TTC29: variants seen among roughly 807,000 people sequenced by gnomAD.
TTC29 encodes tetratricopeptide repeat protein 29.
In TTC29, 49 loss-of-function variants were observed where a neutral mutation model predicts 58.1. That is an observed-to-expected ratio of 0.84 (90% confidence interval 0.67 to 1.07). The LOEUF (loss-of-function observed/expected upper bound fraction) is 1.07. Ranked by LOEUF, TTC29 falls within the 50% of genes least tolerant of loss-of-function variation. TTC29 has a pLI of 0.00. For synonymous variants in TTC29, 209 were observed against 196.8 expected (o/e 1.06, Z -0.52); for missense variants, 582 against 555.6 (o/e 1.05, Z -0.48).
intron 4 of TTC29, among the ~76,000 whole-genome samples, chr4:146,922,717 A>G (rs1035139044): frequency 2.6e-5 from 4 of 151,756 alleles, no homozygotes; most frequent in Admixed American, 2.6e-4. Flanking sequence ...TCATCAACAG[A>G]GGCAGTCCAA....
chr4:146,825,531 C>A (rs1727730694), intron 9 of TTC29, among the ~76,000 whole-genome samples: 1 of 152,120 alleles, frequency 6.6e-6, no homozygotes, highest in Admixed American at 6.6e-5. Flanking sequence ...ATTATGTGGT[C>A]AATTTTAGAA....
In TTC29 at chr4:146,942,902, C is replaced by T. The variant is rs112330829; in HGVS notation, c.-7+2129G>A. On this transcript the variant is annotated intron_variant, in intron 2 of 12. Transcript: ENST00000325106. ...AAATGAGGAACAGTGCTTGCAATTTCCTTGAATACTAAGAACATCCAGCTA... is the reference window on the plus strand; with the variant it reads ...AAATGAGGAACAGTGCTTGCAATTTTCTTGAATACTAAGAACATCCAGCTA... 3.8e-3 allele frequency: 1,196 copies of T among 317,722 alleles called. 15 individuals carry two copies. Among genetic ancestry groups the T allele is most frequent in the African/African-American group, 0.023 (1,109 of 47,380 alleles). The allele number at this position is 317,722 out of a possible 1,614,324, so 19.7% of individuals were successfully genotyped here. A position where few individuals can be genotyped will look rare whatever the true frequency, so the allele number is the denominator to read the frequency against.
Position 146,867,699 on chromosome 4 carries a change from C to A in TTC29, c.800-116G>T, listed in dbSNP as rs1317202631. 5.1e-5 allele frequency: 25 copies of A among 490,708 alleles called. No homozygotes were observed. In the Admixed American group the frequency reaches 9.4e-4, roughly 18 times the overall value. The allele number at this position is 490,708 out of a possible 1,614,324, so 30.4% of individuals were successfully genotyped here. A position where few individuals can be genotyped will look rare whatever the true frequency, so the allele number is the denominator to read the frequency against. On this transcript the variant is annotated intron_variant, in intron 7 of 12. Transcript: ENST00000325106. Reference sequence around the variant, plus strand: ...TATTTTTAAAAGTATGCAGTTTTATCAATAATCCCCAAAACCTAGCTATAT... The same window carrying A: ...TATTTTTAAAAGTATGCAGTTTTATAAATAATCCCCAAAACCTAGCTATAT...
At chr4:146,721,914 A>G (rs1248141236) in intron 11 of TTC29, among the ~76,000 whole-genome samples, 1 of 152,170 alleles carries the variant, frequency 6.6e-6, no homozygotes, top group Non-Finnish European at 1.5e-5. Context: ...AGAAAACCCT[A>G]AAGACTCTGC....
At chr4:146,821,003 A>T (rs1213723031) in intron 9 of TTC29, among the ~76,000 whole-genome samples, 1 of 152,034 alleles carries the variant, frequency 6.6e-6, no homozygotes, top group Non-Finnish European at 1.5e-5. Context: ...TGGGCAACAG[A>T]GCAAGACTCC....
At position 146,833,827 on chromosome 4, in the gene TTC29, G is replaced by A; in HGVS notation, c.956C>T (p.Ala319Val). 1 of 1,612,934 alleles carries A rather than the reference G, an allele frequency of 6.2e-7. No homozygotes were observed. The change falls in exon 9 of 13, where the codon GCC becomes GTC. Residue 319 changes from alanine to valine, a missense_variant. Transcript: ENST00000325106. The part of the protein sequence containing the change: ...DDLSLGRGYE[A>V]IAKVLQSQGE... The stretch of plus-strand genomic sequence containing the variant: ...TTACCTCTGCAGGACCTTGGCTATG[G>A]CTTCATAGCCTCTCCCCAGACTGAG...
At chr4:146,852,525 C>A (rs1322081760) in intron 8 of TTC29, among the ~76,000 whole-genome samples, 2 of 152,208 alleles carry the variant, frequency 1.3e-5, no homozygotes, top group Non-Finnish European at 2.9e-5. Flanking sequence ...CAGTTTCACT[C>A]CTGCAAGGCT....
intron 11 of TTC29, among the ~76,000 whole-genome samples, chr4:146,708,353 T>C (rs1473040696): frequency 5.6e-4 from 11 of 19,800 alleles, no homozygotes; most frequent in Admixed American, 7.8e-4. Context: ...TATATATATA[T>C]ATACACATGT....
intron 11 of TTC29, among the ~76,000 whole-genome samples, chr4:146,776,603 C>T (rs1748114999): frequency 6.6e-6 from 1 of 152,160 alleles, no homozygotes; most frequent in Admixed American, 6.5e-5. Flanking sequence ...CAGTACTGGA[C>T]CCCCAACTTT....
chr4:146,942,206 A>C (rs888523931), intron 2 of TTC29, among the ~76,000 whole-genome samples: 4 of 152,236 alleles, frequency 2.6e-5, no homozygotes, highest in African/African-American at 9.6e-5. Flanking sequence ...TCTATGAAAC[A>C]AAATGCCCAC....
intron 4 of TTC29, among the ~76,000 whole-genome samples, chr4:146,918,194 A>G (rs939312381): frequency 1.8e-4 from 27 of 151,072 alleles, no homozygotes; most frequent in African/African-American, 6.3e-4. Flanking sequence ...TCAGAATTTC[A>G]ACATTTTAAA....
intron 11 of TTC29, among the ~76,000 whole-genome samples, chr4:146,756,839 C>T (rs557148192): frequency 2.0e-5 from 3 of 152,048 alleles, no homozygotes; most frequent in African/African-American, 7.2e-5. Flanking sequence ...CTTTCCAGAG[C>T]ATTTCACATT....
At chr4:146,763,583 T>G (rs1351586793) in intron 11 of TTC29, among the ~76,000 whole-genome samples, 1 of 152,116 alleles carries the variant, frequency 6.6e-6, no homozygotes, top group African/African-American at 2.4e-5. Context: ...TTAGTGCTCT[T>G]AAGGCAACAC....
intron 10 of TTC29, among the ~76,000 whole-genome samples, chr4:146,811,309 C>G (rs1460938928): frequency 6.6e-6 from 1 of 152,144 alleles, no homozygotes; most frequent in Non-Finnish European, 1.5e-5. Context: ...TCTTATTTTA[C>G]AGATAATCAT....
chr4:146,798,274 G>T (rs1749963807), intron 11 of TTC29, among the ~76,000 whole-genome samples: 1 of 152,068 alleles, frequency 6.6e-6, no homozygotes, highest in Non-Finnish European at 1.5e-5. Flanking sequence ...GAACAGCGGG[G>T]GATAGGGTAG....
Position 146,792,868 on chromosome 4 carries a change from G to A in TTC29, c.1330+10589C>T, listed in dbSNP as rs187895124. ...ATATATCAATAGTTATGGGAATTTG[G>A]AAGAAGTTGATTGCAGCGCTCATGG... On this transcript the variant is annotated intron_variant, in intron 11 of 12. Coordinates refer to ENST00000325106, the MANE Select transcript of TTC29 (RefSeq NM_031956.4). 4.6e-5 allele frequency among the ~76,000 whole-genome samples: 7 copies of A among 152,226 alleles called. No individual in the cohort carries two copies. In the East Asian group the frequency reaches 1.4e-3, roughly 29 times the overall value.
intron 9 of TTC29, among the ~76,000 whole-genome samples, chr4:146,823,876 G>T (rs954660235): frequency 8.5e-5 from 13 of 152,160 alleles, no homozygotes; most frequent in African/African-American, 3.1e-4. Context: ...GTAAATGGGA[G>T]TTCATTCATG....
At chr4:146,808,098 T>A (rs999479848) in intron 10 of TTC29, among the ~76,000 whole-genome samples, 11 of 152,136 alleles carry the variant, frequency 7.2e-5, no homozygotes, top group African/African-American at 2.2e-4. Flanking sequence ...CGCAAATCAA[T>A]AAACGTAATC....
chr4:146,913,173 C>T (rs1038460944), intron 4 of TTC29, among the ~76,000 whole-genome samples: 54 of 152,020 alleles, frequency 3.6e-4, no homozygotes, highest in African/African-American at 1.1e-3. Flanking sequence ...TATGCACTGG[C>T]GGCCAGCCGA....
Sources: allele counts gnomAD v4.1 joint callset (sites outside exome capture counted in the v4.1 genomes callset), GRCh38; gene constraint gnomAD v4.1.1; transcripts MANE v1.5; gene names NCBI Gene and HGNC (gene_info 2026-07-23, HGNC 2026-07-21).